UBN2: variants seen among roughly 807,000 people sequenced by gnomAD.
The protein encoded by UBN2 is ubinuclein 2.
Under a neutral mutation model 120.2 loss-of-function variants are expected in UBN2, and 35 were observed. The ratio of observed to expected loss-of-function variants is 0.29; its 90% CI spans 0.22 to 0.39. UBN2 has a LOEUF of 0.39. Ranked by LOEUF, UBN2 falls within the 10% of genes least tolerant of loss-of-function variation. The probability of loss-of-function intolerance (pLI) is 1.00; values close to 1 mark genes in which losing one functional copy is unlikely to be tolerated. For missense variants in UBN2, 1,693 were observed against 1,663.2 expected, an observed-to-expected ratio of 1.02 and a Z score of -0.31; for synonymous variants, 661 against 648.7, an observed-to-expected ratio of 1.02 and a Z score of -0.29.
chr7:139,259,450 A>T (rs1796865940), intron 5 of UBN2, 80 bp downstream of exon 5: 2 of 1,548,606 alleles, frequency 1.3e-6, no homozygotes, highest in Non-Finnish European at 1.7e-6. Context: ...ACTTACCATT[A>T]ACTAATTCAA....
At chr7:139,259,880 C>A (rs183807442) in intron 5 of UBN2, among the ~76,000 whole-genome samples, 1 of 151,994 alleles carries the variant, frequency 6.6e-6, no homozygotes, top group East Asian at 1.9e-4. Flanking sequence ...TCCCAAGTAG[C>A]TGGGATTACA....
At chr7:139,269,611 G>C in intron 8 of UBN2, 88 bp downstream of exon 8, 1 of 1,382,362 alleles carries the variant, frequency 7.2e-7, no homozygotes, top group Non-Finnish European at 9.9e-7. Flanking sequence ...CACATTAATT[G>C]ATTTATAGTC....
intron 2 of UBN2, among the ~76,000 whole-genome samples, chr7:139,242,818 A>G (rs1046048758): frequency 2.0e-5 from 3 of 152,210 alleles, no homozygotes; most frequent in African/African-American, 7.2e-5. Flanking sequence ...TGTGCTGTGT[A>G]GTCAGCTCTT....
chr7:139,276,141 C>T lies in UBN2; in HGVS notation c.2018C>T (p.Ser673Phe). The T allele has an allele frequency of 6.2e-7, 1 of 1,613,538 alleles. No homozygotes were observed. The highest frequency in any genetic ancestry group is 8.5e-7 in the Non-Finnish European group (1 of 1,179,834). ...ESRSVHNHLT[S>F]APAKKKVIPA... ...CGGAGTGTTCATAATCATCTTACTT[C>T]TGCTCCGTGAGTAAATGCAGACTCC... Residue 673 changes from serine (S) to phenylalanine (F), a missense_variant, in exon 12 of 18, where the codon TCT becomes TTT. Ser to Phe is a radical substitution (Grantham distance 155). Around this residue, in one of 5 missense-constraint regions of UBN2, gnomAD observed 837 missense variants for 817.6 expected, o/e 1.02. Coordinates refer to ENST00000473989, the MANE Select transcript of UBN2 (RefSeq NM_173569.4).
Position 139,284,422 on chromosome 7 carries a change from A to G in UBN2, c.3517A>G (p.Ser1173Gly), listed in dbSNP as rs1179679117. The G allele has an allele frequency of 1.2e-6, 2 of 1,614,238 alleles. No individual in the cohort carries two copies. The highest frequency in any genetic ancestry group is 8.5e-7 in the Non-Finnish European group (1 of 1,180,042). The change falls in exon 15 of 18, where the codon AGC (serine) becomes GGC (glycine). Residue 1173 changes from serine to glycine, a missense_variant. Physicochemically the swap from Ser to Gly is moderately conservative, Grantham distance 56. Coordinates refer to ENST00000473989, the MANE Select transcript of UBN2 (RefSeq NM_173569.4). ...TGGAATTGCAATGAATGTACCTGCCAGCAGAGGTAGCAACCTTAACTCAAG... is the reference window on the plus strand; with the variant it reads ...TGGAATTGCAATGAATGTACCTGCCGGCAGAGGTAGCAACCTTAACTCAAG... ...LSGIAMNVPA[S>G]RGSNLNSSGA...
rs780460591 is a variant in UBN2, at chr7:139,231,917, A to C, written c.433A>C (p.Ser145Arg). ...DPTDESCVEF[S>R]YPELLLCGEQ... Reference sequence around the variant, plus strand: ...CACCGACGAGAGCTGCGTGGAGTTCAGTTACCCGGAGCTGCTGCTGTGCGG... The same window carrying C: ...CACCGACGAGAGCTGCGTGGAGTTCCGTTACCCGGAGCTGCTGCTGTGCGG... Residue 145 changes from serine to arginine, a missense_variant, in exon 1 of 18, where the codon AGT (serine) becomes CGT (arginine). By Grantham distance (110) the Ser-to-Arg change is moderately radical. This residue lies in a region of UBN2 where 663 missense variants were observed against 591.2 expected (regional missense o/e 1.12). Transcript: ENST00000473989. The C allele has an allele frequency of 3.2e-6, 5 of 1,586,786 alleles. No individual in the cohort carries two copies. The highest frequency in any genetic ancestry group is 1.7e-5 in the Admixed American group (1 of 59,394).
intron 3 of UBN2, among the ~76,000 whole-genome samples, chr7:139,256,484 G>C (rs1796769752): frequency 6.6e-6 from 1 of 152,138 alleles, no homozygotes; most frequent in African/African-American, 2.4e-5. Flanking sequence ...GCTTTGGTAA[G>C]GTGCTTACCT....
chr7:139,251,246 G>T (rs1318125814), intron 2 of UBN2, among the ~76,000 whole-genome samples: 3 of 152,136 alleles, frequency 2.0e-5, no homozygotes, highest in Non-Finnish European at 4.4e-5. Context: ...AGACAATACA[G>T]AGAGTTCCCA....
intron 2 of UBN2, among the ~76,000 whole-genome samples, chr7:139,246,271 A>G (rs1413458137): frequency 6.6e-6 from 1 of 152,180 alleles, no homozygotes; most frequent in African/African-American, 2.4e-5. Flanking sequence ...AGGCTGAGGC[A>G]GGAGAATCAC....
intron 1 of UBN2, among the ~76,000 whole-genome samples, chr7:139,232,264 C>G (rs1354723298): frequency 1.3e-5 from 2 of 152,248 alleles, no homozygotes; most frequent in African/African-American, 4.8e-5. Flanking sequence ...TTTCTGCTCC[C>G]CACACAAAAT....
At position 139,300,969 on chromosome 7, in the gene UBN2, G is replaced by A. The variant is rs994505445; in HGVS notation, c.*3133G>A. On this transcript the variant is annotated 3_prime_UTR_variant, in exon 18 of 18. Transcript: ENST00000473989. Reference sequence around the variant, plus strand: ...GAGGTCAGAGGGTAAATGAAATCGTGATTTTAAAACAGCCTGAAGAAAAAG... The same window carrying A: ...GAGGTCAGAGGGTAAATGAAATCGTAATTTTAAAACAGCCTGAAGAAAAAG... 1 of 152,158 alleles carries A rather than the reference G, an allele frequency of 6.6e-6. No individual in the cohort carries two copies. The highest frequency in any genetic ancestry group is 1.9e-4 in the East Asian group (1 of 5,196). 9.4% of individuals were successfully genotyped at this position (152,158 alleles called of 1,614,324 possible).
chr7:139,241,223 A>G (rs1796311729), intron 2 of UBN2, among the ~76,000 whole-genome samples: 1 of 152,016 alleles, frequency 6.6e-6, no homozygotes. Context: ...TCTCTTAGTG[A>G]TTTTTTTCTC....
chr7:139,295,567 C>T (rs1349599328), intron 17 of UBN2, among the ~76,000 whole-genome samples: 1 of 152,110 alleles, frequency 6.6e-6, no homozygotes, highest in Non-Finnish European at 1.5e-5. Context: ...CACTGCTATT[C>T]CGAGGGGAGA....
At chr7:139,241,444 C>G (rs183810104) in intron 2 of UBN2, among the ~76,000 whole-genome samples, 1 of 152,292 alleles carries the variant, frequency 6.6e-6, no homozygotes, top group East Asian at 1.9e-4. Context: ...ACTTTAAAAT[C>G]TGCTTACTGT....
In UBN2 at chr7:139,299,523, G is replaced by A. The variant is rs1300575598; in HGVS notation, c.*1687G>A. ...CAAAGTCACATTGGCTTGCTTCATA[G>A]CGAAAAAGTTAATAAATAACTGAAA... On this transcript the variant is annotated 3_prime_UTR_variant, in exon 18 of 18. Transcript: ENST00000473989. 1 of 152,048 alleles carries A rather than the reference G, an allele frequency of 6.6e-6. No individual in the cohort carries two copies. Among genetic ancestry groups the A allele is most frequent in the Non-Finnish European group, 1.5e-5 (1 of 67,996 alleles). 9.4% of individuals were successfully genotyped at this position (152,048 alleles called of 1,614,324 possible). A position where few individuals can be genotyped will look rare whatever the true frequency, so the allele number is the denominator to read the frequency against.
downstream of UBN2, among the ~76,000 whole-genome samples, chr7:139,309,690 G>T (rs528420489): frequency 2.6e-4 from 40 of 152,304 alleles, no homozygotes; most frequent in Middle Eastern, 6.8e-3. Flanking sequence ...GACCAACATG[G>T]AGAAACCCCG....
At chr7:139,324,344 A>AT in the UBN2 span, among the ~76,000 whole-genome samples, 1 of 145,488 alleles carries the variant, frequency 6.9e-6, no homozygotes, top group Non-Finnish European at 1.5e-5. Context: ...CCGAGGCGGG[A>AT]GGATCATGAG....
chr7:139,274,003 T>C lies in UBN2; in HGVS notation c.1902T>C (p.Ala634=), dbSNP rs1797367044. The change falls in exon 11 of 18, where the codon GCT becomes GCC. Residue 634 remains alanine, a synonymous_variant. Coordinates refer to ENST00000473989, the MANE Select transcript of UBN2 (RefSeq NM_173569.4). ...YELEPNKSQS[A]EDYLKSFMET... ...TAGAACCAAATAAAAGCCAGTCTGC[T>C]GAAGATTATCTTAAGTCTTTTATGG... The C allele has an allele frequency of 6.2e-7, 1 of 1,613,920 alleles. No individual in the cohort carries two copies. Among genetic ancestry groups the C allele is most frequent in the Non-Finnish European group, 8.5e-7 (1 of 1,179,964 alleles).
rs1482875878 is a variant in UBN2, at chr7:139,284,579, G to A, written c.3669+5G>A. 1.3e-6 allele frequency: 2 copies of A among 1,598,786 alleles called. No individual in the cohort carries two copies. The highest frequency in any genetic ancestry group is 2.2e-5 in the East Asian group (1 of 44,698). The stretch of plus-strand genomic sequence containing the variant: ...GTGGTAACAGCCAGTGTGCAGGTAT[G>A]TATGTTCTGTACGTCCATGTGATAA... On this transcript the variant is annotated splice_donor_5th_base_variant and intron_variant, in intron 15 of 17. Coordinates refer to ENST00000473989, the MANE Select transcript of UBN2 (RefSeq NM_173569.4).
Sources: gnomAD v4.1 joint callset for allele counts (sites outside exome capture counted in the v4.1 genomes callset) on GRCh38, gnomAD v4.1.1 for gene constraint, gnomAD v4.1.1 regional missense constraint, MANE v1.5 for transcripts, NCBI Gene and HGNC (gene_info 2026-07-23, HGNC 2026-07-21) for gene names.